The following SHLD1 variants were observed in gnomAD, a reference collection of about 807,000 sequenced individuals.
The protein encoded by SHLD1 is RINN1-REV7-interacting novel NHEJ regulator 3.
In SHLD1, 3 loss-of-function variants were observed where a neutral mutation model predicts 5.5. The observed-to-expected ratio is 0.54, with a 90% CI of 0.25 to 1.40. The LOEUF (loss-of-function observed/expected upper bound fraction) is 1.40. Ranked by LOEUF, SHLD1 falls within the 40% of genes most tolerant of loss-of-function variation. The pLI is 0.15. For synonymous variants in SHLD1, 92 were observed against 94.3 expected (o/e 0.98, Z 0.14); for missense variants, 210 against 244.4 (o/e 0.86, Z 0.94).
At chr20:5,838,995 A>T (rs1209216115) in intron 2 of SHLD1, among the ~76,000 whole-genome samples, 1 of 152,210 alleles carries the variant, frequency 6.6e-6, no homozygotes, top group East Asian at 1.9e-4. Flanking sequence ...TGCTGAAGAT[A>T]TCTATCATTT....
chr20:5,840,639 G>C (rs558586463), intron 2 of SHLD1, among the ~76,000 whole-genome samples: 13 of 152,180 alleles, frequency 8.5e-5, no homozygotes, highest in Non-Finnish European at 1.5e-4. Flanking sequence ...GTTCTTAATA[G>C]TGATCAAGGC....
chr20:5,827,710 A>G (rs2087682592), intron 2 of SHLD1, among the ~76,000 whole-genome samples: 1 of 152,126 alleles, frequency 6.6e-6, no homozygotes, highest in Admixed American at 6.5e-5. Context: ...GAGAAATGCT[A>G]TATAGTCTTA....
chr20:5,830,827 G>T (rs2087721045), intron 2 of SHLD1, among the ~76,000 whole-genome samples: 1 of 151,948 alleles, frequency 6.6e-6, no homozygotes, highest in African/African-American at 2.4e-5. Context: ...ATTATACTGG[G>T]TATATTCAGT....
chr20:5,834,516 A>C (rs546512115), intron 2 of SHLD1, among the ~76,000 whole-genome samples: 33 of 152,312 alleles, frequency 2.2e-4, no homozygotes, highest in Admixed American at 3.9e-4. Context: ...GTGAAAAAAC[A>C]ATCTACAGAA....
At chr20:5,758,008 T>C (rs1460032295) in intron 1 of SHLD1, among the ~76,000 whole-genome samples, 1 of 152,144 alleles carries the variant, frequency 6.6e-6, no homozygotes, top group Admixed American at 6.6e-5. Flanking sequence ...TCTTGCGCTA[T>C]CTTTACCTGG....
At chr20:5,804,357 A>G (rs540089424) in intron 2 of SHLD1, among the ~76,000 whole-genome samples, 3 of 151,260 alleles carry the variant, frequency 2.0e-5, no homozygotes, top group African/African-American at 7.3e-5. Context: ...AAAACTATAT[A>G]TATATATACA....
intron 1 of SHLD1, among the ~76,000 whole-genome samples, chr20:5,757,497 T>C (rs965719671): frequency 3.3e-5 from 5 of 152,314 alleles, no homozygotes; most frequent in African/African-American, 1.2e-4. Context: ...ATTTTAATCA[T>C]GAAAGGGTGT....
chr20:5,810,527 T>G (rs568541182), intron 2 of SHLD1, among the ~76,000 whole-genome samples: 14 of 152,182 alleles, frequency 9.2e-5, no homozygotes, highest in Non-Finnish European at 1.9e-4. Flanking sequence ...ATATATTTTT[T>G]AAGTGGGATA....
At chr20:5,750,501 G>GGGA (rs1555766060) in intron 1 of SHLD1, 22 bp downstream of exon 1, 9 of 145,238 alleles carry the variant, frequency 6.2e-5, no homozygotes, top group Admixed American at 2.1e-4. Flanking sequence ...ATGGGATGGG[G>GGGA]GGGGGTTGGA....
intron 2 of SHLD1, among the ~76,000 whole-genome samples, chr20:5,805,181 G>A (rs573790713): frequency 1.3e-5 from 2 of 152,284 alleles, no homozygotes; most frequent in South Asian, 4.1e-4. Context: ...TTTTGAGATG[G>A]AGTTTCGCTC....
At chr20:5,768,347 GCA>G (rs1984961209) in intron 1 of SHLD1, among the ~76,000 whole-genome samples, 1 of 152,212 alleles carries the variant, frequency 6.6e-6, no homozygotes, top group South Asian at 2.1e-4. Flanking sequence ...CTTCCTGAGT[GCA>G]CACTTTCCCC....
At chr20:5,836,415 CCT>C (rs144780454) in intron 2 of SHLD1, among the ~76,000 whole-genome samples, 2,026 of 152,188 alleles carry the variant, frequency 0.013, 45 homozygotes, top group African/African-American at 0.047. Flanking sequence ...TTTTAATGTC[CCT>C]GACCAGGTCT....
chr20:5,840,651 A>G (rs1200468167), intron 2 of SHLD1, among the ~76,000 whole-genome samples: 6 of 152,240 alleles, frequency 3.9e-5, no homozygotes, highest in African/African-American at 1.4e-4. Flanking sequence ...GATCAAGGCA[A>G]CAGCCCCTTT....
At chr20:5,840,524 C>T (rs772235158) in intron 2 of SHLD1, among the ~76,000 whole-genome samples, 1 of 152,120 alleles carries the variant, frequency 6.6e-6, no homozygotes, top group Non-Finnish European at 1.5e-5. Context: ...TGGAACTAGT[C>T]GCTGTAGTGA....
chr20:5,829,416 C>T (rs2087702803), intron 2 of SHLD1, among the ~76,000 whole-genome samples: 1 of 151,742 alleles, frequency 6.6e-6, no homozygotes, highest in Non-Finnish European at 1.5e-5. Context: ...TCTTATGAAG[C>T]TTATATACTG....
chr20:5,829,006 C>T (rs1164724365), intron 2 of SHLD1, among the ~76,000 whole-genome samples: 3 of 152,046 alleles, frequency 2.0e-5, no homozygotes, highest in Non-Finnish European at 2.9e-5. Context: ...CCTGAGTAGC[C>T]GAGACTACAG....
At chr20:5,784,331 A>G (rs2122282866) in intron 2 of SHLD1, among the ~76,000 whole-genome samples, 1 of 152,188 alleles carries the variant, frequency 6.6e-6, no homozygotes, top group African/African-American at 2.4e-5. Flanking sequence ...TCCCTTCTTT[A>G]AAACTAAAAA....
chr20:5,810,921 A>G (rs1189368477), intron 2 of SHLD1, among the ~76,000 whole-genome samples: 1 of 152,010 alleles, frequency 6.6e-6, no homozygotes, highest in Non-Finnish European at 1.5e-5. Context: ...CTGTTATATA[A>G]TCTTTTGTTA....
intron 2 of SHLD1, among the ~76,000 whole-genome samples, chr20:5,852,535 C>T (rs991194326): frequency 6.6e-6 from 1 of 152,068 alleles, no homozygotes; most frequent in Non-Finnish European, 1.5e-5. Context: ...CTGCAACCTC[C>T]ACCTCCTGGG....
Sources: gnomAD v4.1 joint callset for allele counts (sites outside exome capture counted in the v4.1 genomes callset) on GRCh38, gnomAD v4.1.1 for gene constraint, MANE v1.5 for transcripts, NCBI Gene and HGNC (gene_info 2026-07-23, HGNC 2026-07-21) for gene names.